Variants in STX17 observed in about 807,000 individuals in gnomAD.
STX17 encodes the protein syntaxin-17.
A neutral mutation model predicts 35.9 loss-of-function variants in STX17; 29 were observed. The observed-to-expected ratio is 0.81, with a 90% CI of 0.60 to 1.10. The LOEUF (loss-of-function observed/expected upper bound fraction) is 1.10. Among genes scored for constraint, STX17 ranks in the 50% least tolerant of loss-of-function variants. The pLI is 0.00. For missense variants in STX17, 312 were observed against 352.3 expected, an observed-to-expected ratio of 0.89 and a Z score of 0.92; for synonymous variants, 92 against 118.3, an observed-to-expected ratio of 0.78 and a Z score of 1.44.
chr9:99,910,840 C>CCAT (rs1828645749), intron 1 of STX17, among the ~76,000 whole-genome samples: 1 of 152,142 alleles, frequency 6.6e-6, no homozygotes, highest in South Asian at 2.1e-4. Flanking sequence ...CTGCCCCTTC[C>CCAT]CATCACTCTA....
intron 2 of STX17, among the ~76,000 whole-genome samples, chr9:99,924,366 C>G (rs1828947774): frequency 6.6e-6 from 1 of 151,956 alleles, no homozygotes; most frequent in South Asian, 2.1e-4. Flanking sequence ...GAGTTATGAT[C>G]AAGGAACTGT....
rs1229628470 is a variant in STX17, at chr9:99,972,590, C to G, written c.*3917C>G. On this transcript the variant is annotated 3_prime_UTR_variant, in exon 8 of 8. Transcript: ENST00000259400. ...GAAACTTCCTTCTGTGGGCTGCCTG[C>G]CTTCCTGCCCTCCCTTAAGTGCTCT... is the stretch of plus-strand genomic sequence containing the variant. Among the ~76,000 whole-genome samples, 1 of 152,166 alleles carries G rather than the reference C, an allele frequency of 6.6e-6. No individual in the cohort carries two copies. The highest frequency in any genetic ancestry group is 2.4e-5 in the African/African-American group (1 of 41,442).
Position 99,968,878 on chromosome 9 carries a change from A to G in STX17, c.*205A>G. 1 of 631,248 alleles carries G rather than the reference A, an allele frequency of 1.6e-6. No individual in the cohort carries two copies. 39.1% of individuals were successfully genotyped at this position (631,248 alleles called of 1,614,324 possible). A position where few individuals can be genotyped will look rare whatever the true frequency, so the allele number is the denominator to read the frequency against. Reference sequence around the variant, plus strand: ...GTTAAGAGATTGAGGCCCTGGGCTGAGGGTATATAATGTATGTCAGGTAAA... The same window carrying G: ...GTTAAGAGATTGAGGCCCTGGGCTGGGGGTATATAATGTATGTCAGGTAAA... On this transcript the variant is annotated 3_prime_UTR_variant, in exon 8 of 8. Coordinates refer to ENST00000259400, the MANE Select transcript of STX17 (RefSeq NM_017919.3).
At chr9:99,946,117 G>A (rs1829477302) in intron 3 of STX17, among the ~76,000 whole-genome samples, 1 of 151,950 alleles carries the variant, frequency 6.6e-6, no homozygotes, top group Non-Finnish European at 1.5e-5. Context: ...AAAAAGAATG[G>A]ATAGTTGCAT....
chr9:99,958,548 C>A (rs1829759108), intron 4 of STX17, among the ~76,000 whole-genome samples: 2 of 152,128 alleles, frequency 1.3e-5, no homozygotes, highest in Admixed American at 6.5e-5. Flanking sequence ...ATGAGAAAAA[C>A]CAGCCAAAGA....
intron 2 of STX17, among the ~76,000 whole-genome samples, chr9:99,921,729 C>G (rs938360870): frequency 6.6e-6 from 1 of 151,744 alleles, no homozygotes; most frequent in African/African-American, 2.4e-5. Context: ...CTTTAGGAAC[C>G]TTACCAATTC....
At position 99,959,926 on chromosome 9, in the gene STX17, A is replaced by G; in HGVS notation, c.425A>G (p.His142Arg). 1 of 1,611,232 alleles carries G rather than the reference A, an allele frequency of 6.2e-7. No individual in the cohort carries two copies. ...TRSMTVGGAF[H>R]TTEAEASSQS... Reference sequence around the variant, plus strand: ...TATTATGTTCATCCAGGAGCATTTCATACTACTGAAGCTGAAGCTAGTTCT... The same window carrying G: ...TATTATGTTCATCCAGGAGCATTTCGTACTACTGAAGCTGAAGCTAGTTCT... Residue 142 changes from histidine (H) to arginine (R), a missense_variant, in exon 5 of 8, where the codon CAT becomes CGT. Transcript: ENST00000259400.
chr9:99,928,665 C>G (rs1244814666), intron 2 of STX17, 113 bp from the exon 3 acceptor site: 2 of 732,536 alleles, frequency 2.7e-6, no homozygotes, highest in African/African-American at 3.5e-5. Flanking sequence ...AAATCACTCT[C>G]TTCTCTAGAT....
rs145745001 is a variant in STX17 at position 99,915,227 on chromosome 9, A to G, written c.-13A>G. 2.8e-4 allele frequency: 445 copies of G among 1,607,816 alleles called. 2 individuals are homozygous for G. The African/African-American group carries it at 4.6e-3, about 17-fold the overall frequency. On this transcript the variant is annotated 5_prime_UTR_variant, in exon 2 of 8. Transcript: ENST00000259400. Reference sequence around the variant, plus strand: ...CAGCTGTTACCAGGGAGGTCATACAACATTTTTTTAGGATGTCTGAAGATG... The same window carrying G: ...CAGCTGTTACCAGGGAGGTCATACAGCATTTTTTTAGGATGTCTGAAGATG...
rs529195009 is a variant in STX17 at position 99,972,707 on chromosome 9, G to A, written c.*4034G>A. ...GTAATATAGCTAGATAATATACAACGTTTGTCTTCCATCAGAGTGCAGAAA... is the reference window on the plus strand; with the variant it reads ...GTAATATAGCTAGATAATATACAACATTTGTCTTCCATCAGAGTGCAGAAA... On this transcript the variant is annotated 3_prime_UTR_variant, in exon 8 of 8. Transcript: ENST00000259400. Among the ~76,000 whole-genome samples the A allele has an allele frequency of 3.3e-5, 5 of 152,260 alleles. No homozygotes were observed. In the East Asian group the frequency reaches 9.6e-4, roughly 29 times the overall value.
chr9:99,921,192 T>C (rs1367686733), intron 2 of STX17, among the ~76,000 whole-genome samples: 1 of 152,154 alleles, frequency 6.6e-6, no homozygotes, highest in Middle Eastern at 3.2e-3. Flanking sequence ...TGTAGTGTGC[T>C]TCTGAAAAAA....
At position 99,972,435 on chromosome 9, in the gene STX17, C is replaced by T. The variant is rs1403388369; in HGVS notation, c.*3762C>T. Among the ~76,000 whole-genome samples the T allele has an allele frequency of 3.3e-5, 5 of 152,148 alleles. No individual in the cohort carries two copies. The highest frequency in any genetic ancestry group is 5.9e-5 in the Non-Finnish European group (4 of 68,030). On this transcript the variant is annotated 3_prime_UTR_variant, in exon 8 of 8. Transcript: ENST00000259400. ...TGAAACTGTTCTTTCAGAATTGCCT[C>T]CAAAGACATTTTGCAGATCATCCCA...
At chr9:99,953,849 T>C (rs1829652756) in intron 4 of STX17, 1 of 152,110 alleles carries the variant, frequency 6.6e-6, no homozygotes, top group South Asian at 2.1e-4. Context: ...ATTTGCATTT[T>C]ATTATTGCAT....
At chr9:99,960,449 G>GTT (rs201738436) in intron 6 of STX17, among the ~76,000 whole-genome samples, 5 of 144,500 alleles carry the variant, frequency 3.5e-5, no homozygotes, top group Non-Finnish European at 4.6e-5. Context: ...TGTTTTTTGT[G>GTT]TTTTTTTTTT....
At chr9:99,922,395 C>T (rs535220963) in intron 2 of STX17, among the ~76,000 whole-genome samples, 12 of 152,284 alleles carry the variant, frequency 7.9e-5, no homozygotes, top group South Asian at 2.1e-4. Context: ...TTTTCCCCAA[C>T]GCCTATCTGT....
intron 6 of STX17, among the ~76,000 whole-genome samples, chr9:99,966,300 G>C (rs1829909641): frequency 6.6e-6 from 1 of 152,180 alleles, no homozygotes; most frequent in Non-Finnish European, 1.5e-5. Context: ...TAGTGGTGGA[G>C]AATATTGGAA....
intron 3 of STX17, among the ~76,000 whole-genome samples, chr9:99,940,751 G>A (rs897901846): frequency 6.6e-6 from 1 of 152,136 alleles, no homozygotes; most frequent in East Asian, 1.9e-4. Context: ...AAAGTGCCGG[G>A]ATTACAGGCG....
At chr9:99,950,640 T>C (rs1418074935) in intron 3 of STX17, among the ~76,000 whole-genome samples, 1 of 151,980 alleles carries the variant, frequency 6.6e-6, no homozygotes, top group Non-Finnish European at 1.5e-5. Context: ...TTACTGTGTA[T>C]AATGTAATCC....
At chr9:99,918,733 T>TA (rs1315939412) in intron 2 of STX17, among the ~76,000 whole-genome samples, 3 of 151,950 alleles carry the variant, frequency 2.0e-5, no homozygotes, top group African/African-American at 7.3e-5. Flanking sequence ...TCTGGAGGGG[T>TA]GAATAGCTGA....
Sources: gnomAD v4.1 joint callset for allele counts (sites outside exome capture counted in the v4.1 genomes callset) on GRCh38, gnomAD v4.1.1 for gene constraint, MANE v1.5 for transcripts, NCBI Gene and HGNC (gene_info 2026-07-23, HGNC 2026-07-21) for gene names.